ZNF804B: variants seen among roughly 807,000 people sequenced by gnomAD.
The protein encoded by ZNF804B is zinc finger protein 804B.
Under a neutral mutation model 101.4 loss-of-function variants are expected in ZNF804B, and 80 were observed. The ratio of observed to expected loss-of-function variants is 0.79; its 90% CI spans 0.66 to 0.95. ZNF804B has a LOEUF of 0.95. Among genes scored for constraint, ZNF804B ranks in the 40% least tolerant of loss-of-function variants. ZNF804B has a pLI of 0.00. For synonymous variants in ZNF804B, 622 were observed against 558.8 expected (o/e 1.11, Z -1.59); for missense variants, 1,673 against 1,561.9 (o/e 1.07, Z -1.20).
chr7:88,863,551 G>T (rs556096407), intron 1 of ZNF804B, among the ~76,000 whole-genome samples: 4 of 152,140 alleles, frequency 2.6e-5, no homozygotes, highest in African/African-American at 9.6e-5. Context: ...ATAGTTTAAT[G>T]GTTGAAAAAA....
intron 2 of ZNF804B, among the ~76,000 whole-genome samples, chr7:89,293,131 G>A (rs1048064851): frequency 1.3e-5 from 2 of 151,614 alleles, no homozygotes; most frequent in African/African-American, 2.4e-5. Flanking sequence ...TTTTTTTAAT[G>A]ATTTGGAAGT....
At chr7:89,290,961 C>T (rs1034374326) in intron 2 of ZNF804B, among the ~76,000 whole-genome samples, 2 of 152,082 alleles carry the variant, frequency 1.3e-5, no homozygotes, top group African/African-American at 4.8e-5. Flanking sequence ...TTTGGAAGAA[C>T]ATAATGGAAG....
At chr7:89,282,515 A>C (rs1790116174) in intron 2 of ZNF804B, among the ~76,000 whole-genome samples, 1 of 152,196 alleles carries the variant, frequency 6.6e-6, no homozygotes, top group Admixed American at 6.5e-5. Context: ...CAAGTAAGAA[A>C]TCAAATAATA....
At chr7:89,093,322 C>A (rs147904760) in intron 1 of ZNF804B, among the ~76,000 whole-genome samples, 1 of 152,330 alleles carries the variant, frequency 6.6e-6, no homozygotes, top group Non-Finnish European at 1.5e-5. Context: ...ACTTCCATTT[C>A]CAAAGTTATT....
intron 1 of ZNF804B, among the ~76,000 whole-genome samples, chr7:89,182,562 A>G (rs368183401): frequency 3.9e-5 from 6 of 152,176 alleles, no homozygotes; most frequent in African/African-American, 9.6e-5. Flanking sequence ...AAGAAGAACA[A>G]TTAAGTTCAC....
chr7:89,089,053 T>C (rs911692543), intron 1 of ZNF804B, among the ~76,000 whole-genome samples: 1 of 150,788 alleles, frequency 6.6e-6, no homozygotes, highest in African/African-American at 2.5e-5. Context: ...TTTCCTTTTT[T>C]TTTCTTTTTT....
chr7:89,210,868 G>A (rs1043399384), intron 1 of ZNF804B, among the ~76,000 whole-genome samples: 7 of 152,202 alleles, frequency 4.6e-5, no homozygotes, highest in African/African-American at 1.7e-4. Context: ...CCAGTAATGG[G>A]ATTGCTGGAT....
Position 89,235,142 on chromosome 7 carries a change from T to C in ZNF804B, c.249+16847T>C, listed in dbSNP as rs541057648. On this transcript the variant is annotated intron_variant, in intron 2 of 3. Coordinates refer to ENST00000333190, the MANE Select transcript of ZNF804B (RefSeq NM_181646.5). ...TTATTCTCTATGAGAGCATCAGTTT[T>C]CCAGTTTATCCAATATCATAAAATG... Among the ~76,000 whole-genome samples, 201 of 152,244 alleles carry C rather than the reference T, an allele frequency of 1.3e-3. 6 individuals are homozygous for C. The highest frequency in any genetic ancestry group is 0.013 in the Admixed American group (199 of 15,286).
At chr7:88,766,265 A>G (rs1278515543) in intron 1 of ZNF804B, among the ~76,000 whole-genome samples, 1 of 152,176 alleles carries the variant, frequency 6.6e-6, no homozygotes, top group Non-Finnish European at 1.5e-5. Flanking sequence ...AACCATAATA[A>G]GGCCACTTCA....
chr7:89,334,677 A>G lies in ZNF804B; in HGVS notation c.1695A>G (p.Glu565=). The G allele has an allele frequency of 6.2e-7, 1 of 1,613,720 alleles. No homozygotes were observed. The highest frequency in any genetic ancestry group is 8.5e-7 in the Non-Finnish European group (1 of 1,179,816). Residue 565 remains glutamate, a synonymous_variant, in exon 4 of 4, where the codon GAA becomes GAG. Coordinates refer to ENST00000333190, the MANE Select transcript of ZNF804B (RefSeq NM_181646.5). The stretch of plus-strand genomic sequence containing the variant: ...GTGATTCTGAGCCAAATAAGAGTGA[A>G]TATACTTTCAGTGCAAATGATTTGG... The part of the protein sequence containing the change: ...DYSDSEPNKS[E]YTFSANDLEM...
chr7:88,854,527 T>TTTCCTTTCCTTTCCTTCCCTCCC (rs1791519535), intron 1 of ZNF804B, among the ~76,000 whole-genome samples: 4 of 40,076 alleles, frequency 1.0e-4, no homozygotes, highest in East Asian at 2.2e-3. Flanking sequence ...CTTTCCTTCC[T>TTTCCTTTCCTTTCCTTCCCTCCC]TTCCTTCCTT....
At chr7:89,276,827 A>G (rs1789988381) in intron 2 of ZNF804B, among the ~76,000 whole-genome samples, 1 of 151,834 alleles carries the variant, frequency 6.6e-6, no homozygotes, top group Non-Finnish European at 1.5e-5. Context: ...GTATGACTCT[A>G]GAGGTATTCT....
chr7:89,169,332 G>A (rs933912887), intron 1 of ZNF804B, among the ~76,000 whole-genome samples: 1 of 152,170 alleles, frequency 6.6e-6, no homozygotes, highest in Non-Finnish European at 1.5e-5. Context: ...TCGAATGCCT[G>A]AGATTTATAT....
At chr7:88,963,418 A>T (rs1793415175) in intron 1 of ZNF804B, among the ~76,000 whole-genome samples, 1 of 151,342 alleles carries the variant, frequency 6.6e-6, no homozygotes, top group Non-Finnish European at 1.5e-5. Flanking sequence ...CAGTGAGGAA[A>T]AGGCAGTACT....
chr7:88,807,837 C>T (rs1342152145), intron 1 of ZNF804B, among the ~76,000 whole-genome samples: 1 of 152,034 alleles, frequency 6.6e-6, no homozygotes, highest in Non-Finnish European at 1.5e-5. Context: ...ACCTTTCTGC[C>T]CTCAGGAAAG....
chr7:89,164,523 G>A (rs1001541770), intron 1 of ZNF804B, among the ~76,000 whole-genome samples: 4 of 152,064 alleles, frequency 2.6e-5, no homozygotes, highest in African/African-American at 9.7e-5. Context: ...TTTACATGAA[G>A]CTCTTATTTT....
At chr7:89,316,624 C>T (rs1053888769) in intron 2 of ZNF804B, among the ~76,000 whole-genome samples, 3 of 152,110 alleles carry the variant, frequency 2.0e-5, no homozygotes, top group African/African-American at 7.2e-5. Flanking sequence ...ACAGCAAGAA[C>T]ATGCTAGATG....
At chr7:89,047,060 G>T (rs1458960261) in intron 1 of ZNF804B, among the ~76,000 whole-genome samples, 1 of 152,020 alleles carries the variant, frequency 6.6e-6, no homozygotes, top group East Asian at 1.9e-4. Context: ...TATCCTTTGA[G>T]GGTTTTAAAA....
chr7:89,254,768 C>G (rs1371891678), intron 2 of ZNF804B, among the ~76,000 whole-genome samples: 1 of 151,872 alleles, frequency 6.6e-6, no homozygotes, highest in Non-Finnish European at 1.5e-5. Context: ...GCCTCAGCGT[C>G]CCCAGTAGCT....
Sources: allele counts gnomAD v4.1 joint callset (sites outside exome capture counted in the v4.1 genomes callset), GRCh38; gene constraint gnomAD v4.1.1; transcripts MANE v1.5; gene names NCBI Gene and HGNC (gene_info 2026-07-23, HGNC 2026-07-21).